NBAS: variants seen among roughly 807,000 people sequenced by gnomAD.
NBAS encodes the protein NAG/BC035112 fusion.
A neutral mutation model predicts 302.5 loss-of-function variants in NBAS; 219 were observed. The ratio of observed to expected loss-of-function variants is 0.72; its 90% CI spans 0.65 to 0.81. NBAS has a LOEUF of 0.81. Ranked by LOEUF, NBAS falls within the 30% of genes least tolerant of loss-of-function variation. The probability of loss-of-function intolerance (pLI) is 0.00; values close to 1 mark genes in which losing one functional copy is unlikely to be tolerated. For missense variants in NBAS, 2,932 were observed against 2,841.6 expected (o/e 1.03, Z -0.72); for synonymous variants, 1,118 against 1,021.6 (o/e 1.09, Z -1.80).
rs557178361 is a variant in NBAS at position 15,246,772 on chromosome 2, C to T, written c.5725-8086G>A. Among the ~76,000 whole-genome samples, 3 of 152,312 alleles carry T rather than the reference C, an allele frequency of 2.0e-5. No homozygotes were observed. The East Asian group carries it at 5.8e-4, about 29-fold the overall frequency. On this transcript the variant is annotated intron_variant, in intron 44 of 51. Transcript: ENST00000281513. ...GCTGTTTATTCATTCAACATACATC[C>T]ACTGAGTGCACACCGTGCATCTGCC...
the NBAS span, among the ~76,000 whole-genome samples, chr2:15,098,599 A>G: frequency 7.8e-6 from 1 of 128,984 alleles, no homozygotes; most frequent in South Asian, 2.2e-4. Flanking sequence ...TATATATATT[A>G]TATATTGTAT....
the NBAS span, among the ~76,000 whole-genome samples, chr2:15,134,666 G>A: frequency 2.6e-5 from 4 of 152,204 alleles, no homozygotes; most frequent in African/African-American, 9.6e-5. Flanking sequence ...ATCTTAACAT[G>A]GGGCTCAGAA....
the NBAS span, among the ~76,000 whole-genome samples, chr2:15,038,692 C>T: frequency 8.1e-6 from 1 of 123,828 alleles, no homozygotes; most frequent in Non-Finnish European, 1.7e-5. Context: ...AGCCCTTCCT[C>T]CCCGAGGACA....
chr2:14,969,646 G>A, the NBAS span, among the ~76,000 whole-genome samples: 1 of 152,194 alleles, frequency 6.6e-6, no homozygotes, highest in African/African-American at 2.4e-5. Context: ...CAAAGTGCTG[G>A]GATTATAGGC....
intron 41 of NBAS, 113 bp downstream of exon 41, chr2:15,292,424 A>T: frequency 8.7e-7 from 1 of 1,143,178 alleles, no homozygotes; most frequent in Non-Finnish European, 1.3e-6. Flanking sequence ...AGCCCTATTC[A>T]TAGCAACCAT....
At chr2:14,978,420 T>C in the NBAS span, among the ~76,000 whole-genome samples, 1 of 152,200 alleles carries the variant, frequency 6.6e-6, no homozygotes, top group African/African-American at 2.4e-5. Context: ...GAACATATAA[T>C]GATTAATCAA....
the NBAS span, among the ~76,000 whole-genome samples, chr2:14,952,392 C>G: frequency 6.6e-6 from 1 of 152,208 alleles, no homozygotes; most frequent in South Asian, 2.1e-4. Context: ...CCTTCTGGCC[C>G]TTTGGAAATT....
At chr2:14,944,935 C>T in the NBAS span, among the ~76,000 whole-genome samples, 31,932 of 151,998 alleles carry the variant, frequency 0.21, 3,458 homozygotes, top group African/African-American at 0.24. Flanking sequence ...TTGCCTCTGC[C>T]GTAATGCAGG....
chr2:15,001,370 A>G, the NBAS span, among the ~76,000 whole-genome samples: 2 of 152,106 alleles, frequency 1.3e-5, no homozygotes, highest in African/African-American at 4.8e-5. Context: ...ACAGCCACAC[A>G]TTTGCTTGCT....
rs745632646 is a variant in NBAS, at chr2:15,218,922, A to T, written c.6283T>A (p.Phe2095Ile). The T allele has an allele frequency of 1.2e-6, 2 of 1,614,248 alleles. No individual in the cohort carries two copies. The highest frequency in any genetic ancestry group is 1.7e-6 in the Non-Finnish European group (2 of 1,180,046). Residue 2095 changes from phenylalanine to isoleucine, a missense_variant, in exon 48 of 52, where the codon TTC becomes ATC. By Grantham distance (21) the Phe-to-Ile change is conservative (BLOSUM62 0). Transcript: ENST00000281513. ...ACCGGCCAGGCGTCATCAGCACAGA[A>T]AGGCCGCAGCCACTCCAGCAGGTCC... Reference protein sequence around the residue: ...PEDLLEWLRPFCADDAWPVRP... With the variant: ...PEDLLEWLRPICADDAWPVRP...
At chr2:14,987,999 T>C in the NBAS span, among the ~76,000 whole-genome samples, 1 of 152,162 alleles carries the variant, frequency 6.6e-6, no homozygotes, top group Non-Finnish European at 1.5e-5. Context: ...CCCATTAGAA[T>C]GTGACAGCTC....
At chr2:15,309,509 A>G (rs1671184572) in intron 38 of NBAS, among the ~76,000 whole-genome samples, 1 of 152,206 alleles carries the variant, frequency 6.6e-6, no homozygotes, top group South Asian at 2.1e-4. Context: ...GTTAAGTGCA[A>G]AGACATGAGA....
chr2:15,334,345 A>G (rs1672482803), intron 35 of NBAS, among the ~76,000 whole-genome samples: 1 of 152,032 alleles, frequency 6.6e-6, no homozygotes, highest in Admixed American at 6.5e-5. Flanking sequence ...GCCCACCACC[A>G]CGCCCAGCTA....
chr2:14,983,396 T>A, the NBAS span, among the ~76,000 whole-genome samples: 1 of 152,250 alleles, frequency 6.6e-6, no homozygotes. Context: ...TATTCTCGAC[T>A]GAGTGTATAG....
chr2:15,023,686 A>G, the NBAS span, among the ~76,000 whole-genome samples: 6 of 151,136 alleles, frequency 4.0e-5, no homozygotes, highest in African/African-American at 1.5e-4. Flanking sequence ...TTTAAACATC[A>G]TTTAGTAAGT....
chr2:15,450,672 A>C (rs1572871567), intron 21 of NBAS, among the ~76,000 whole-genome samples: 3 of 152,238 alleles, frequency 2.0e-5, no homozygotes, highest in African/African-American at 7.2e-5. Context: ...AGTATTCCCT[A>C]AACATTTCTG....
chr2:15,132,824 A>T, the NBAS span, among the ~76,000 whole-genome samples: 2 of 151,532 alleles, frequency 1.3e-5, no homozygotes, highest in Admixed American at 1.3e-4. Context: ...ATTTTTTTTT[A>T]AACAGGAAGA....
the NBAS span, among the ~76,000 whole-genome samples, chr2:15,120,726 G>GC: frequency 2.0e-4 from 31 of 152,208 alleles, no homozygotes; most frequent in African/African-American, 6.5e-4. Flanking sequence ...GAAGCTCTGA[G>GC]CCCCAGGAAG....
chr2:15,414,898 T>G (rs1332052928), intron 25 of NBAS, among the ~76,000 whole-genome samples: 1 of 152,046 alleles, frequency 6.6e-6, no homozygotes, highest in Non-Finnish European at 1.5e-5. Context: ...TGAGCCAAGA[T>G]CATGCCACTG....
Sources: gnomAD v4.1 joint callset for allele counts (sites outside exome capture counted in the v4.1 genomes callset) on GRCh38, gnomAD v4.1.1 for gene constraint, MANE v1.5 for transcripts, NCBI Gene and HGNC (gene_info 2026-07-23, HGNC 2026-07-21) for gene names.